The following HRH4 variants were observed in gnomAD, a reference collection of about 807,000 sequenced individuals.
HRH4 encodes the protein histamine receptor H4.
HRH4 carries 12 observed loss-of-function variants against 10.4 expected under a neutral mutation model. The observed-to-expected ratio is 1.15, with a 90% CI of 0.74 to 1.87. The LOEUF is 1.87. HRH4 is among the 40% of genes most tolerant of loss of function. The pLI, the probability that HRH4 is intolerant of heterozygous loss-of-function variation, is 0.00. For missense variants in HRH4, 415 were observed against 453.3 expected (o/e 0.92, Z 0.77); for synonymous variants, 154 against 166.6 (o/e 0.92, Z 0.58).
chr18:24,476,816 G>T lies in HRH4; in HGVS notation c.427G>T (p.Ala143Ser), dbSNP rs116172621. The change falls in exon 3 of 3, where the codon GCC becomes TCC. Residue 143 changes from alanine (A) to serine (S), a missense_variant. Transcript: ENST00000256906. Reference sequence around the variant, plus strand: ...TCTGATGGTGGCCGTTTGGGTGCTGGCCTTCTTAGTGAATGGGCCAATGAT... The same window carrying T: ...TCTGATGGTGGCCGTTTGGGTGCTGTCCTTCTTAGTGAATGGGCCAATGAT... ...VTLMVAVWVL[A>S]FLVNGPMILV... 3 of 1,614,178 alleles carry T rather than the reference G, an allele frequency of 1.9e-6. No individual in the cohort carries two copies. The South Asian group carries it at 3.3e-5, about 18-fold the overall frequency.
At chr18:24,474,821 G>C (rs1910089979) in intron 2 of HRH4, among the ~76,000 whole-genome samples, 1 of 152,006 alleles carries the variant, frequency 6.6e-6, no homozygotes, top group Non-Finnish European at 1.5e-5. Context: ...CGAGAGCTGG[G>C]ACTACAGGTG....
chr18:24,468,958 C>G lies in HRH4; in HGVS notation c.357+7C>G. Reference sequence around the variant, plus strand: ...CCTGTCAGTCTCAAATGCTGTAAGTCGAAACATTAATTTATCCCCCTTAGA... The same window carrying G: ...CCTGTCAGTCTCAAATGCTGTAAGTGGAAACATTAATTTATCCCCCTTAGA... On this transcript the variant is annotated splice_region_variant and intron_variant, in intron 2 of 2. Coordinates refer to ENST00000256906, the MANE Select transcript of HRH4 (RefSeq NM_021624.4). 2 of 1,582,396 alleles carry G rather than the reference C, an allele frequency of 1.3e-6. No individual in the cohort carries two copies. Among genetic ancestry groups the G allele is most frequent in the Non-Finnish European group, 1.7e-6 (2 of 1,164,306 alleles).
chr18:24,468,672 G>A (rs1909844443), intron 1 of HRH4, 116 bp from the exon 2 acceptor site: 3 of 971,254 alleles, frequency 3.1e-6, no homozygotes, highest in Non-Finnish European at 4.5e-6. Flanking sequence ...CTAAATTAGA[G>A]ACAAATCATT....
intron 1 of HRH4, among the ~76,000 whole-genome samples, chr18:24,464,061 G>A (rs1484213845): frequency 6.6e-6 from 1 of 152,152 alleles, no homozygotes; most frequent in Non-Finnish European, 1.5e-5. Flanking sequence ...CAAGTGTTCA[G>A]GATGGCAGAA....
chr18:24,460,715 C>A lies in HRH4; in HGVS notation c.-14C>A. On this transcript the variant is annotated 5_prime_UTR_variant, in exon 1 of 3. Transcript: ENST00000256906. ...ATTAATTTGCTAATTTGACCTTCTT[C>A]ATCATTTGATGTGATGCCAGATACT... The A allele has an allele frequency of 6.7e-7, 1 of 1,481,972 alleles. No homozygotes were observed. Among genetic ancestry groups the A allele is most frequent in the Admixed American group, 2.0e-5 (1 of 48,910 alleles). The allele number at this position is 1,481,972 out of a possible 1,614,324, so 91.8% of individuals were successfully genotyped here.
chr18:24,464,082 T>A (rs1340227843), intron 1 of HRH4, among the ~76,000 whole-genome samples: 1 of 152,188 alleles, frequency 6.6e-6, no homozygotes, highest in African/African-American at 2.4e-5. Flanking sequence ...TTTATCTTGA[T>A]ACCTGTATGC....
intron 1 of HRH4, among the ~76,000 whole-genome samples, chr18:24,464,941 G>A (rs1278680607): frequency 6.6e-6 from 1 of 152,108 alleles, no homozygotes; most frequent in Admixed American, 6.5e-5. Context: ...AAGGGAGTGT[G>A]CTGGGAGTGG....
chr18:24,474,833 G>C (rs1326101636), intron 2 of HRH4, among the ~76,000 whole-genome samples: 1 of 151,854 alleles, frequency 6.6e-6, no homozygotes, highest in Non-Finnish European at 1.5e-5. Context: ...CTACAGGTGC[G>C]AGCCACCATG....
chr18:24,462,116 C>T (rs910950272), intron 1 of HRH4, among the ~76,000 whole-genome samples: 1 of 152,086 alleles, frequency 6.6e-6, no homozygotes, highest in Non-Finnish European at 1.5e-5. Context: ...AGAGATAGGG[C>T]GAAGGATTCT....
chr18:24,479,437 T>G lies in HRH4; in HGVS notation c.*1875T>G, dbSNP rs947053455. 1 of 152,242 alleles carries G rather than the reference T, an allele frequency of 6.6e-6. No homozygotes were observed. Among genetic ancestry groups the G allele is most frequent in the Non-Finnish European group, 1.5e-5 (1 of 68,058 alleles). The allele number at this position is 152,242 out of a possible 1,614,324, so 9.4% of individuals were successfully genotyped here. On this transcript the variant is annotated 3_prime_UTR_variant, in exon 3 of 3. Coordinates refer to ENST00000256906, the MANE Select transcript of HRH4 (RefSeq NM_021624.4). ...GATTCACATTTTATTAGTTTGGTTA[T>G]GTTTTGTCCTTTTAAAACATTTTCT...
At chr18:24,461,404 A>C (rs1236472390) in intron 1 of HRH4, among the ~76,000 whole-genome samples, 3 of 152,182 alleles carry the variant, frequency 2.0e-5, no homozygotes, top group Non-Finnish European at 4.4e-5. Flanking sequence ...ATGGCATAGA[A>C]TTTTGTAAAA....
intron 2 of HRH4, among the ~76,000 whole-genome samples, chr18:24,475,747 T>C (rs371234284): frequency 7.9e-5 from 12 of 152,292 alleles, no homozygotes; most frequent in African/African-American, 2.9e-4. Context: ...GTAGCTCACA[T>C]GTGTAATCCA....
intron 1 of HRH4, among the ~76,000 whole-genome samples, chr18:24,466,330 C>G (rs990303091): frequency 7.1e-6 from 1 of 140,764 alleles, no homozygotes; most frequent in Non-Finnish European, 1.5e-5. Context: ...GCCATGTTGC[C>G]CAGGCTGGTC....
At chr18:24,474,361 A>C (rs1336575148) in intron 2 of HRH4, among the ~76,000 whole-genome samples, 1 of 152,148 alleles carries the variant, frequency 6.6e-6, no homozygotes, top group African/African-American at 2.4e-5. Flanking sequence ...AGAAAAAAAA[A>C]ACAACCAAGT....
rs765826743 is a variant in HRH4 at position 24,468,799 on chromosome 18, A to G, written c.205A>G (p.Ile69Val). ...ISDFFVGVISIPLYIPHTLFE... is the reference protein window; with the variant it reads ...ISDFFVGVISVPLYIPHTLFE... ...TTTTCCCTGTGCAGGTGTGATCTCC[A>G]TTCCTTTGTACATCCCTCACACGCT... Residue 69 changes from isoleucine (I) to valine (V), a missense_variant, in exon 2 of 3, where the codon ATT (isoleucine) becomes GTT (valine). Ile to Val is a conservative substitution (Grantham distance 29, BLOSUM62 3). Transcript: ENST00000256906. 9 of 1,612,624 alleles carry G rather than the reference A, an allele frequency of 5.6e-6. No individual in the cohort carries two copies. Among genetic ancestry groups the G allele is most frequent in the Non-Finnish European group, 5.9e-6 (7 of 1,179,548 alleles).
chr18:24,466,287 A>AT (rs398032181), intron 1 of HRH4, among the ~76,000 whole-genome samples: 25,818 of 129,010 alleles, frequency 0.2, 2,917 homozygotes, highest in African/African-American at 0.26. Flanking sequence ...TAATTTTTGT[A>AT]TTTTTTTTTT....
At chr18:24,466,665 G>T (rs928137653) in intron 1 of HRH4, among the ~76,000 whole-genome samples, 1 of 152,080 alleles carries the variant, frequency 6.6e-6, no homozygotes, top group Non-Finnish European at 1.5e-5. Context: ...GCCTCATGTG[G>T]TCTTGTTTTG....
chr18:24,460,823 G>GAAAT lies in HRH4; in HGVS notation c.96_99dup (p.Ala34LysfsTer15). ...TTAGTAGCTTTTGCTATAATGCTAG[G>GAAAT]AAATGCTTTGGTCATTTTAGCTTTT... is the stretch of plus-strand genomic sequence containing the variant. On this transcript the variant is annotated frameshift_variant, in exon 1 of 3. Transcript: ENST00000256906. LOFTEE classifies it high-confidence loss of function. 1 of 1,589,182 alleles carries GAAAT rather than the reference G, an allele frequency of 6.3e-7. No individual in the cohort carries two copies. The highest frequency in any genetic ancestry group is 8.6e-7 in the Non-Finnish European group (1 of 1,162,398).
chr18:24,463,575 T>G (rs1053541152), intron 1 of HRH4, among the ~76,000 whole-genome samples: 10 of 152,194 alleles, frequency 6.6e-5, no homozygotes, highest in Admixed American at 1.3e-4. Flanking sequence ...TGTTAGCCAT[T>G]GATTCTTAAC....
Sources: allele counts gnomAD v4.1 joint callset (sites outside exome capture counted in the v4.1 genomes callset), GRCh38; gene constraint gnomAD v4.1.1; transcripts MANE v1.5; gene names NCBI Gene and HGNC (gene_info 2026-07-23, HGNC 2026-07-21).